STARD13: variants seen among roughly 807,000 people sequenced by gnomAD.
The protein encoded by STARD13 is stAR-related lipid transfer protein 13.
In STARD13, 62 loss-of-function variants were observed where a neutral mutation model predicts 106.4. The ratio of observed to expected loss-of-function variants is 0.58; its 90% CI spans 0.48 to 0.72. STARD13 has a LOEUF of 0.72. Among genes scored for constraint, STARD13 ranks in the 30% least tolerant of loss-of-function variants. The pLI is 0.00. For missense variants in STARD13, 1,387 were observed against 1,424.0 expected (o/e 0.97, Z 0.42); for synonymous variants, 565 against 553.0 (o/e 1.02, Z -0.31).
intron 1 of STARD13, among the ~76,000 whole-genome samples, chr13:33,201,405 T>C (rs1015733670): frequency 6.6e-6 from 1 of 152,246 alleles, no homozygotes; most frequent in African/African-American, 2.4e-5. Context: ...TTTATCCCAA[T>C]GTAACATGCA....
At chr13:33,485,666 G>T in the STARD13 span, among the ~76,000 whole-genome samples, 1 of 152,052 alleles carries the variant, frequency 6.6e-6, no homozygotes, top group African/African-American at 2.4e-5. Context: ...GACTAAATGA[G>T]GTAATAGATA....
At chr13:33,494,036 C>T in the STARD13 span, among the ~76,000 whole-genome samples, 80,720 of 151,968 alleles carry the variant, frequency 0.53, 22,607 homozygotes, top group African/African-American at 0.72. Context: ...CATCAAGATA[C>T]CTGATTACCC....
chr13:33,589,058 A>G, the STARD13 span, among the ~76,000 whole-genome samples: 2 of 152,192 alleles, frequency 1.3e-5, no homozygotes, highest in Admixed American at 1.3e-4. Flanking sequence ...TTTTCTGACC[A>G]ATCATTTACA....
At chr13:33,316,751 T>G (rs1215719041) in intron 1 of STARD13, among the ~76,000 whole-genome samples, 2 of 152,202 alleles carry the variant, frequency 1.3e-5, no homozygotes, top group Non-Finnish European at 1.5e-5. Flanking sequence ...ACTTATCCAC[T>G]GCATTCATTT....
the STARD13 span, among the ~76,000 whole-genome samples, chr13:33,404,447 A>G: frequency 2.0e-5 from 3 of 152,214 alleles, no homozygotes; most frequent in Non-Finnish European, 2.9e-5. Context: ...TTAAACAGAA[A>G]TGGCAGAATG....
chr13:33,584,502 A>G, the STARD13 span, among the ~76,000 whole-genome samples: 167 of 151,880 alleles, frequency 1.1e-3, 1 homozygote, highest in African/African-American at 3.7e-3. Context: ...CCATGATCCA[A>G]TCACCTCCCA....
chr13:33,593,142 A>AGAAGATGTG, the STARD13 span, among the ~76,000 whole-genome samples: 6 of 152,164 alleles, frequency 3.9e-5, no homozygotes, highest in African/African-American at 1.4e-4. Flanking sequence ...ATTATGGAGT[A>AGAAGATGTG]GAAGATGTGG....
chr13:33,503,360 G>C, the STARD13 span, among the ~76,000 whole-genome samples: 1 of 152,056 alleles, frequency 6.6e-6, no homozygotes, highest in African/African-American at 2.4e-5. Flanking sequence ...TTTTTGAAGG[G>C]TTTTTTGTGT....
chr13:33,422,035 C>A, the STARD13 span, among the ~76,000 whole-genome samples: 5 of 152,104 alleles, frequency 3.3e-5, no homozygotes, highest in South Asian at 6.2e-4. Context: ...AAAACCAGCA[C>A]AAGACAAGGA....
At chr13:33,550,257 C>G in the STARD13 span, among the ~76,000 whole-genome samples, 1 of 152,204 alleles carries the variant, frequency 6.6e-6, no homozygotes, top group Non-Finnish European at 1.5e-5. Flanking sequence ...CCCTAATTCT[C>G]TATGCCTTTT....
chr13:33,255,107 CCT>C (rs200700319), intron 1 of STARD13, among the ~76,000 whole-genome samples: 67 of 151,150 alleles, frequency 4.4e-4, no homozygotes, highest in African/African-American at 1.6e-3. Context: ...CTCCCCCCCC[CCT>C]CAGAGGCTTG....
intron 1 of STARD13, among the ~76,000 whole-genome samples, chr13:33,316,142 G>C (rs1213114454): frequency 1.3e-5 from 2 of 152,160 alleles, no homozygotes; most frequent in Non-Finnish European, 2.9e-5. Context: ...AGGGTCTTCA[G>C]ACTCTACCTT....
At chr13:33,421,128 C>G in the STARD13 span, among the ~76,000 whole-genome samples, 1 of 151,976 alleles carries the variant, frequency 6.6e-6, no homozygotes, top group Non-Finnish European at 1.5e-5. Flanking sequence ...GAGATAGACA[C>G]AAAAAACCTT....
Position 33,186,004 on chromosome 13 carries a change from C to T in STARD13, c.170-18382G>A, listed in dbSNP as rs748679032. The T allele has an allele frequency of 1.5e-5, 24 of 1,614,088 alleles. No homozygotes were observed. In the Admixed American group the frequency reaches 4.0e-4, roughly 27 times the overall value. On this transcript the variant is annotated intron_variant, in intron 1 of 13. Coordinates refer to ENST00000336934, the MANE Select transcript of STARD13 (RefSeq NM_178006.4). ...GCCTGGTTAACGTTTGCATGGAGAA[C>T]TGAGGAGGGTTCCAGCATGGAGGTT... is the stretch of plus-strand genomic sequence containing the variant.
chr13:33,251,670 G>A (rs1243513810), intron 1 of STARD13, among the ~76,000 whole-genome samples: 2 of 152,180 alleles, frequency 1.3e-5, no homozygotes, highest in Non-Finnish European at 2.9e-5. Flanking sequence ...TTCATCAAAA[G>A]AAAATACATA....
chr13:33,485,654 G>A, the STARD13 span, among the ~76,000 whole-genome samples: 2 of 152,120 alleles, frequency 1.3e-5, no homozygotes, highest in African/African-American at 4.8e-5. Context: ...ACTTGAAATT[G>A]AGACTAAATG....
At chr13:33,286,616 G>C (rs1368555842), upstream of STARD13, among the ~76,000 whole-genome samples, 4 of 152,168 alleles carry the variant, frequency 2.6e-5, no homozygotes, top group Non-Finnish European at 4.4e-5. Context: ...GTCTCAAAAA[G>C]GACGCAAACA....
chr13:33,576,205 T>G, the STARD13 span, among the ~76,000 whole-genome samples: 1 of 152,116 alleles, frequency 6.6e-6, no homozygotes, highest in East Asian at 1.9e-4. Flanking sequence ...GGTTTAAATA[T>G]TTTTAAAATT....
intron 1 of STARD13, among the ~76,000 whole-genome samples, chr13:33,266,027 G>A (rs985358456): frequency 6.6e-6 from 1 of 152,174 alleles, no homozygotes; most frequent in Non-Finnish European, 1.5e-5. Context: ...CCATAGTTAA[G>A]ATCCTCATCC....
Sources: allele counts gnomAD v4.1 joint callset (sites outside exome capture counted in the v4.1 genomes callset), GRCh38; gene constraint gnomAD v4.1.1; transcripts MANE v1.5; gene names NCBI Gene and HGNC (gene_info 2026-07-23, HGNC 2026-07-21).